The following BRD10 variants were observed in gnomAD, a reference collection of about 807,000 sequenced individuals.
BRD10 encodes the protein uncharacterized bromodomain-containing protein 10.
the BRD10 span, among the ~76,000 whole-genome samples, chr9:5,976,755 C>G: frequency 6.7e-6 from 1 of 148,516 alleles, no homozygotes; most frequent in Non-Finnish European, 1.5e-5. Flanking sequence ...AGAGTCAACA[C>G]TAAGTAGGGA....
At chr9:5,929,186 C>A in the BRD10 span, 2 of 1,132,190 alleles carry the variant, frequency 1.8e-6, no homozygotes, top group Middle Eastern at 1.9e-4. Flanking sequence ...AAGTAAATCC[C>A]TTAGATTTAT....
chr9:5,917,842 A>T, the BRD10 span, among the ~76,000 whole-genome samples: 1 of 151,936 alleles, frequency 6.6e-6, no homozygotes, highest in African/African-American at 2.4e-5. Context: ...AACAGAGAAG[A>T]CCCCGTCTCA....
At chr9:5,977,350 A>G in the BRD10 span, among the ~76,000 whole-genome samples, 6 of 152,190 alleles carry the variant, frequency 3.9e-5, no homozygotes, top group Admixed American at 3.3e-4. Context: ...AGGACAAAAA[A>G]GTACATGGCT....
At chr9:5,903,246 T>C in the BRD10 span, among the ~76,000 whole-genome samples, 1 of 152,200 alleles carries the variant, frequency 6.6e-6, no homozygotes, top group Non-Finnish European at 1.5e-5. Flanking sequence ...GCCCAGAATG[T>C]GGTTTATCCT....
the BRD10 span, among the ~76,000 whole-genome samples, chr9:5,891,850 C>G: frequency 6.6e-6 from 1 of 152,178 alleles, no homozygotes; most frequent in African/African-American, 2.4e-5. Context: ...TGCCTGGGGA[C>G]AGGCTGAAGC....
chr9:5,898,572 G>A, the BRD10 span, among the ~76,000 whole-genome samples: 1 of 152,258 alleles, frequency 6.6e-6, no homozygotes, highest in East Asian at 1.9e-4. Flanking sequence ...AGCAGACTTG[G>A]GTACCTGGAT....
chr9:5,905,408 T>C, the BRD10 span, among the ~76,000 whole-genome samples: 1 of 152,130 alleles, frequency 6.6e-6, no homozygotes, highest in South Asian at 2.1e-4. Flanking sequence ...AAAATAGAGA[T>C]TACAGGACTG....
the BRD10 span, chr9:5,891,390 T>G: frequency 2.6e-5 from 4 of 152,222 alleles, no homozygotes; most frequent in African/African-American, 9.6e-5. Context: ...ATTATTCACT[T>G]GAGAGGACTG....
At chr9:5,896,375 G>A in the BRD10 span, among the ~76,000 whole-genome samples, 3 of 152,166 alleles carry the variant, frequency 2.0e-5, no homozygotes, top group Non-Finnish European at 2.9e-5. Flanking sequence ...TCTATAAAGC[G>A]GGTGGACTGA....
At chr9:5,996,081 A>G in the BRD10 span, among the ~76,000 whole-genome samples, 2 of 152,212 alleles carry the variant, frequency 1.3e-5, no homozygotes, top group Non-Finnish European at 2.9e-5. Context: ...ATATGAAACT[A>G]AAACTAAAGG....
At chr9:5,900,794 A>T in the BRD10 span, among the ~76,000 whole-genome samples, 4 of 152,222 alleles carry the variant, frequency 2.6e-5, no homozygotes, top group African/African-American at 9.6e-5. Context: ...ATTTGTAATA[A>T]ACTGAACAGT....
the BRD10 span, among the ~76,000 whole-genome samples, chr9:5,947,549 A>G: frequency 2.6e-5 from 4 of 152,128 alleles, no homozygotes; most frequent in South Asian, 2.1e-4. Flanking sequence ...TAATAGCTAC[A>G]TAACAATTTA....
the BRD10 span, among the ~76,000 whole-genome samples, chr9:5,882,198 T>C: frequency 6.6e-6 from 1 of 152,162 alleles, no homozygotes; most frequent in Non-Finnish European, 1.5e-5. Flanking sequence ...TGCCAAATGT[T>C]GTAGAGGGCA....
chr9:6,007,894 G>A, the BRD10 span: 2 of 1,367,494 alleles, frequency 1.5e-6, no homozygotes, highest in Admixed American at 3.7e-5. Context: ...CGTAGCCCCC[G>A]CCACATCGGG....
chr9:5,992,463 T>C, the BRD10 span, among the ~76,000 whole-genome samples: 1 of 152,144 alleles, frequency 6.6e-6, no homozygotes, highest in East Asian at 1.9e-4. Context: ...AAAAAATAAA[T>C]TTACCTTTCA....
At chr9:5,993,572 A>G in the BRD10 span, among the ~76,000 whole-genome samples, 3 of 152,200 alleles carry the variant, frequency 2.0e-5, no homozygotes, top group African/African-American at 7.2e-5. Flanking sequence ...TCTAAGCCCA[A>G]TATGGGTAGG....
chr9:5,954,261 A>C, the BRD10 span, among the ~76,000 whole-genome samples: 1 of 152,222 alleles, frequency 6.6e-6, no homozygotes. Flanking sequence ...AGCAAACATT[A>C]AACTATTAAC....
At chr9:5,929,414 C>T in the BRD10 span, among the ~76,000 whole-genome samples, 7 of 151,988 alleles carry the variant, frequency 4.6e-5, no homozygotes, top group African/African-American at 1.7e-4. Flanking sequence ...TTTAAAATTG[C>T]ATCAATTGTA....
the BRD10 span, among the ~76,000 whole-genome samples, chr9:5,939,380 ACAT>A: frequency 6.6e-6 from 1 of 152,200 alleles, no homozygotes; most frequent in Non-Finnish European, 1.5e-5. Context: ...AGAACATATC[ACAT>A]CATATTTCTA....
Sources: gnomAD v4.1 joint callset for allele counts (sites outside exome capture counted in the v4.1 genomes callset) on GRCh38, gnomAD v4.1.1 for gene constraint, MANE v1.5 for transcripts, NCBI Gene and HGNC (gene_info 2026-07-23, HGNC 2026-07-21) for gene names.